F13A1: variants seen among roughly 807,000 people sequenced by gnomAD.
F13A1 encodes the protein FSF, A subunit.
F13A1 carries 47 observed loss-of-function variants against 80.1 expected under a neutral mutation model. The observed-to-expected ratio is 0.59, with a 90% CI of 0.46 to 0.75. The LOEUF (loss-of-function observed/expected upper bound fraction) is 0.75. Ranked by LOEUF, F13A1 falls within the 30% of genes least tolerant of loss-of-function variation. The pLI is 0.00. For missense variants in F13A1, 817 were observed against 930.4 expected (o/e 0.88, Z 1.59); for synonymous variants, 349 against 344.9 (o/e 1.01, Z -0.13).
intron 6 of F13A1, among the ~76,000 whole-genome samples, chr6:6,244,865 C>T (rs1045852562): frequency 2.6e-5 from 4 of 152,178 alleles, no homozygotes; most frequent in African/African-American, 9.7e-5. Context: ...GCTGCCTTCA[C>T]TTTCTTTTCA....
chr6:6,221,263 A>T (rs1283301123), intron 8 of F13A1, among the ~76,000 whole-genome samples: 2 of 152,130 alleles, frequency 1.3e-5, no homozygotes, highest in Admixed American at 1.3e-4. Context: ...GGAAAAATGG[A>T]ATTTCCCTGG....
In F13A1 at chr6:6,151,930, A is replaced by G; in HGVS notation, c.1928T>C (p.Val643Ala). ...AACTGTCACAGTCATGTCAGAACCA[A>G]CTACCTGAGTGCCACGGACCTAAGA... ...IIIKVRGTQV[V>A]GSDMTVTVEF... The change falls in exon 14 of 15, where the codon GTT becomes GCT. Residue 643 changes from valine to alanine, a missense_variant. Physicochemically the swap from Val to Ala is moderately conservative, Grantham distance 64. Transcript: ENST00000264870. 5 of 1,613,954 alleles carry G rather than the reference A, an allele frequency of 3.1e-6. No homozygotes were observed. The highest frequency in any genetic ancestry group is 2.2e-5 in the East Asian group (1 of 44,880).
intron 13 of F13A1, among the ~76,000 whole-genome samples, chr6:6,163,085 T>C (rs2151071523): frequency 6.6e-6 from 1 of 152,348 alleles, no homozygotes; most frequent in South Asian, 2.1e-4. Flanking sequence ...TTATCTTGAC[T>C]GAGCTGAGCA....
chr6:6,221,901 C>T, intron 8 of F13A1, 132 bp downstream of exon 8: 1 of 1,029,126 alleles, frequency 9.7e-7, no homozygotes, highest in Non-Finnish European at 1.5e-6. Flanking sequence ...CTTTGACAAT[C>T]AGAGTTTTCT....
At chr6:6,171,217 T>C (rs920514461) in intron 12 of F13A1, among the ~76,000 whole-genome samples, 1 of 151,768 alleles carries the variant, frequency 6.6e-6, no homozygotes, top group African/African-American at 2.4e-5. Flanking sequence ...CCTGGCCCAC[T>C]TGGGGCCAAG....
In F13A1 at chr6:6,305,210, G is replaced by T. The variant is rs1325359612; in HGVS notation, c.319+141C>A. Reference sequence around the variant, plus strand: ...ATACAGACCAGTCTTAGAGCACAGGGTAATTCAGGGGCTGGATGTCATTCC... The same window carrying T: ...ATACAGACCAGTCTTAGAGCACAGGTTAATTCAGGGGCTGGATGTCATTCC... On this transcript the variant is annotated intron_variant, in intron 3 of 14. Coordinates refer to ENST00000264870, the MANE Select transcript of F13A1 (RefSeq NM_000129.4). The T allele has an allele frequency of 5.4e-6, 5 of 921,688 alleles. No individual in the cohort carries two copies. The East Asian group carries it at 1.0e-4, about 19-fold the overall frequency. 57.1% of individuals were successfully genotyped at this position (921,688 alleles called of 1,614,324 possible). A position where few individuals can be genotyped will look rare whatever the true frequency, so the allele number is the denominator to read the frequency against.
intron 12 of F13A1, among the ~76,000 whole-genome samples, chr6:6,168,919 A>G (rs1431278929): frequency 6.6e-6 from 1 of 152,172 alleles, no homozygotes; most frequent in Non-Finnish European, 1.5e-5. Context: ...CTTGCTCTGG[A>G]CCTTGAAGAC....
chr6:6,289,584 C>T (rs1461595201), intron 3 of F13A1, among the ~76,000 whole-genome samples: 1 of 152,006 alleles, frequency 6.6e-6, no homozygotes, highest in African/African-American at 2.4e-5. Context: ...AGATTTTTTT[C>T]CCCCTTGAGT....
intron 10 of F13A1, among the ~76,000 whole-genome samples, chr6:6,192,747 C>T (rs948358311): frequency 5.9e-5 from 9 of 152,074 alleles, no homozygotes; most frequent in Admixed American, 1.3e-4. Flanking sequence ...CCCAGGGAGC[C>T]AGTTATTGCT....
rs191196423 is a variant in F13A1, at chr6:6,266,089, G to A, written c.571+469C>T. Among the ~76,000 whole-genome samples the A allele has an allele frequency of 6.8e-4, 104 of 152,250 alleles. 2 individuals are homozygous for A. The highest frequency in any genetic ancestry group is 2.2e-4 in the Non-Finnish European group (15 of 68,024). On this transcript the variant is annotated intron_variant, in intron 4 of 14. Transcript: ENST00000264870. ...TAGCAGCATTGACTTCACATATAGA[G>A]GTTTTATCTTCATACACATGGAGGA...
intron 3 of F13A1, among the ~76,000 whole-genome samples, chr6:6,288,682 T>C (rs1346049545): frequency 6.6e-6 from 1 of 152,254 alleles, no homozygotes; most frequent in East Asian, 1.9e-4. Context: ...AGAAGTGGGA[T>C]TGCTGAATCA....
At chr6:6,266,461 C>A in intron 4 of F13A1, 97 bp downstream of exon 4, 2 of 1,592,582 alleles carry the variant, frequency 1.3e-6, no homozygotes, top group Non-Finnish European at 1.7e-6. Context: ...ATCCTCCCAT[C>A]TTGGCCTCCC....
rs1294820290 is a variant in F13A1, at chr6:6,299,418, T to C, written c.319+5933A>G. ...ACGTAGATTTGGTCTTTTCACATAGTCCCATATTTCTTAGAGGCTTTGCTC... is the reference window on the plus strand; with the variant it reads ...ACGTAGATTTGGTCTTTTCACATAGCCCCATATTTCTTAGAGGCTTTGCTC... On this transcript the variant is annotated intron_variant, in intron 3 of 14. Coordinates refer to ENST00000264870, the MANE Select transcript of F13A1 (RefSeq NM_000129.4). 1.2e-3 allele frequency among the ~76,000 whole-genome samples: 158 copies of C among 133,168 alleles called. 1 individual carries two copies. Among genetic ancestry groups the C allele is most frequent in the Non-Finnish European group, 9.4e-4 (62 of 66,190 alleles). 87.4% of individuals were successfully genotyped at this position (133,168 alleles called of 152,430 possible).
At chr6:6,197,555 G>A (rs181338206) in intron 8 of F13A1, among the ~76,000 whole-genome samples, 252 of 152,224 alleles carry the variant, frequency 1.7e-3, no homozygotes, top group African/African-American at 5.6e-3. Flanking sequence ...GCGGGTGCCT[G>A]TAGTTCCAGC....
chr6:6,216,232 C>T (rs991350806), intron 8 of F13A1, among the ~76,000 whole-genome samples: 3 of 151,928 alleles, frequency 2.0e-5, no homozygotes, highest in African/African-American at 7.3e-5. Flanking sequence ...AATCCTAAGC[C>T]AAAAGAACAA....
intron 12 of F13A1, among the ~76,000 whole-genome samples, chr6:6,173,833 T>A (rs2151074741): frequency 6.6e-6 from 1 of 152,230 alleles, no homozygotes; most frequent in South Asian, 2.1e-4. Context: ...CTGAGATGGA[T>A]CATTTAGATC....
chr6:6,205,678 C>T (rs367656395), intron 8 of F13A1, among the ~76,000 whole-genome samples: 15 of 151,950 alleles, frequency 9.9e-5, no homozygotes, highest in African/African-American at 3.6e-4. Flanking sequence ...TTTTCTTCTC[C>T]TTTCATTTTT....
chr6:6,212,337 G>A (rs1402589860), intron 8 of F13A1, among the ~76,000 whole-genome samples: 1 of 150,576 alleles, frequency 6.6e-6, no homozygotes, highest in South Asian at 2.1e-4. Context: ...GATCTGAGAA[G>A]GGGCAGACTG....
At chr6:6,283,849 C>T (rs1208250473) in intron 3 of F13A1, among the ~76,000 whole-genome samples, 2 of 152,206 alleles carry the variant, frequency 1.3e-5, no homozygotes, top group Non-Finnish European at 2.9e-5. Context: ...GGTGGCCTTT[C>T]CCCTCAAGAA....
Sources: allele counts gnomAD v4.1 joint callset (sites outside exome capture counted in the v4.1 genomes callset), GRCh38; gene constraint gnomAD v4.1.1; transcripts MANE v1.5; gene names NCBI Gene and HGNC (gene_info 2026-07-23, HGNC 2026-07-21).